CR2: variants seen among roughly 807,000 people sequenced by gnomAD.
CR2 encodes the protein complement receptor type 2.
A neutral mutation model predicts 123.0 loss-of-function variants in CR2; 96 were observed. That is an observed-to-expected ratio of 0.78 (90% CI 0.66 to 0.93). CR2 has a LOEUF of 0.93. Ranked by LOEUF, CR2 falls within the 40% of genes least tolerant of loss-of-function variation. The pLI, the probability that CR2 is intolerant of heterozygous loss-of-function variation, is 0.00. For missense variants in CR2, 1,258 were observed against 1,361.0 expected, an observed-to-expected ratio of 0.92 and a Z score of 1.19; for synonymous variants, 484 against 469.5, an observed-to-expected ratio of 1.03 and a Z score of -0.40.
chr1:207,483,590 A>C lies in CR2; in HGVS notation c.3189-1874A>C, dbSNP rs186304964. On this transcript the variant is annotated intron_variant, in intron 18 of 19. Transcript: ENST00000367057. Reference sequence around the variant, plus strand: ...CTTGTGGAGAATCACAAGGACCATGAGAATATTTAATAAGAGGTTTTTTGC... The same window carrying C: ...CTTGTGGAGAATCACAAGGACCATGCGAATATTTAATAAGAGGTTTTTTGC... 4.9e-4 allele frequency among the ~76,000 whole-genome samples: 75 copies of C among 152,146 alleles called. 1 individual carries two copies. Among genetic ancestry groups the C allele is most frequent in the Non-Finnish European group, 2.1e-4 (14 of 68,012 alleles).
intron 1 of CR2, among the ~76,000 whole-genome samples, chr1:207,464,158 G>A (rs1572948993): frequency 1.3e-5 from 2 of 152,182 alleles, no homozygotes; most frequent in Admixed American, 6.5e-5. Flanking sequence ...TCTGTGGTCT[G>A]GGGCGGGGAC....
chr1:207,473,188 C>A lies in CR2; in HGVS notation c.1978+9C>A, dbSNP rs373425736. On this transcript the variant is annotated intron_variant, in intron 10 of 19. Transcript: ENST00000367057. ...ACCAGTTTGTGAAAAAGGTAAAAAC[C>A]CAATAAGGGGGAAAAAAGGAGAGAT... is the stretch of plus-strand genomic sequence containing the variant. 1.2e-6 allele frequency: 2 copies of A among 1,613,210 alleles called. No homozygotes were observed. The highest frequency in any genetic ancestry group is 1.7e-6 in the Non-Finnish European group (2 of 1,179,748).
chr1:207,468,480 G>A (rs775847951), intron 2 of CR2, 47 bp from the exon 3 acceptor site: 1 of 1,588,442 alleles, frequency 6.3e-7, no homozygotes, highest in African/African-American at 1.3e-5. Context: ...AGATTGTGAA[G>A]GATGCATCAT....
At chr1:207,455,228 T>C (rs1449944314) in intron 1 of CR2, among the ~76,000 whole-genome samples, 3 of 152,254 alleles carry the variant, frequency 2.0e-5, no homozygotes, top group South Asian at 2.1e-4. Flanking sequence ...GGTCTAAGTT[T>C]CTAATTATCT....
chr1:207,473,020 A>G lies in CR2; in HGVS notation c.1819A>G (p.Ile607Val). ...TGCTGTCCAGTGCTCACATGTCCATATTGCAAATGGATACAAGATATCTGG... is the reference window on the plus strand; with the variant it reads ...TGCTGTCCAGTGCTCACATGTCCATGTTGCAAATGGATACAAGATATCTGG... ...LLAVQCSHVHIANGYKISGKE... is the reference protein window; with the variant it reads ...LLAVQCSHVHVANGYKISGKE... Residue 607 changes from isoleucine (I) to valine (V), a missense_variant, in exon 10 of 20, where the codon ATT (isoleucine) becomes GTT (valine). Physicochemically the swap from Ile to Val is conservative, Grantham distance 29. Transcript: ENST00000367057. 1 of 1,613,990 alleles carries G rather than the reference A, an allele frequency of 6.2e-7. No homozygotes were observed. The highest frequency in any genetic ancestry group is 8.5e-7 in the Non-Finnish European group (1 of 1,179,930).
intron 18 of CR2, among the ~76,000 whole-genome samples, chr1:207,483,892 T>C (rs1369582154): frequency 6.6e-6 from 1 of 151,942 alleles, no homozygotes; most frequent in Non-Finnish European, 1.5e-5. Context: ...CAGATAAAAA[T>C]TGGGATGAGA....
At chr1:207,475,295 C>T in intron 14 of CR2, 79 bp downstream of exon 14, 1 of 1,508,542 alleles carries the variant, frequency 6.6e-7, no homozygotes, top group East Asian at 2.3e-5. Context: ...ACTTGACATT[C>T]TGCCTAAAGA....
intron 1 of CR2, among the ~76,000 whole-genome samples, chr1:207,464,290 A>G (rs1658034521): frequency 1.3e-5 from 2 of 152,206 alleles, no homozygotes; most frequent in East Asian, 1.9e-4. Flanking sequence ...AAATAGGTAA[A>G]TTGTAGGCTG....
Position 207,454,383 on chromosome 1 carries a change from C to T in CR2, c.-36C>T, listed in dbSNP as rs966786377. On this transcript the variant is annotated 5_prime_UTR_variant, in exon 1 of 20. Coordinates refer to ENST00000367057, the MANE Select transcript of CR2 (RefSeq NM_001006658.3). This position sits in a 1 kb window ranked among gnomAD's most constrained non-coding sequence, Gnocchi z 4.3. Reference sequence around the variant, plus strand: ...AGAGCTGCCGGACGCTCGCGGGTCTCGGAACGCATCCCGCCGCGGGGGCTT... The same window carrying T: ...AGAGCTGCCGGACGCTCGCGGGTCTTGGAACGCATCCCGCCGCGGGGGCTT... 3 of 1,552,352 alleles carry T rather than the reference C, an allele frequency of 1.9e-6. No homozygotes were observed. The highest frequency in any genetic ancestry group is 2.6e-6 in the Non-Finnish European group (3 of 1,153,786).
chr1:207,478,201 G>A, intron 16 of CR2, 131 bp downstream of exon 16: 1 of 1,002,520 alleles, frequency 1.0e-6, no homozygotes, highest in Non-Finnish European at 1.5e-6. Flanking sequence ...AATTACAGAG[G>A]AACTTGAAGT....
chr1:207,471,564 T>G (rs1339213695), intron 9 of CR2, 65 bp downstream of exon 9: 2 of 1,184,830 alleles, frequency 1.7e-6, no homozygotes. Context: ...TGGGAGATTT[T>G]TGTTTTGGGA....
intron 1 of CR2, among the ~76,000 whole-genome samples, chr1:207,462,775 T>A (rs1314215156): frequency 6.6e-6 from 1 of 151,972 alleles, no homozygotes; most frequent in African/African-American, 2.4e-5. Flanking sequence ...AGAGGATGAG[T>A]TACAAAAAGG....
At chr1:207,484,207 T>C (rs1658686915) in intron 18 of CR2, among the ~76,000 whole-genome samples, 1 of 152,218 alleles carries the variant, frequency 6.6e-6, no homozygotes, top group Non-Finnish European at 1.5e-5. Context: ...CAAGTGCAAA[T>C]AATTTATAAT....
In CR2 at chr1:207,475,025, C is replaced by A; in HGVS notation, c.2525C>A (p.Pro842His). 2 of 1,614,086 alleles carry A rather than the reference C, an allele frequency of 1.2e-6. No individual in the cohort carries two copies. Among genetic ancestry groups the A allele is most frequent in the Non-Finnish European group, 1.7e-6 (2 of 1,179,974 alleles). Reference protein sequence around the residue: ...SGPSPQCLRSPPVTRCPNPEV... With the variant: ...SGPSPQCLRSHPVTRCPNPEV... Reference sequence around the variant, plus strand: ...CCTTCCCCACAGTGCTTACGATCTCCTCCTGTGACTCGCTGCCCTAATCCA... The same window carrying A: ...CCTTCCCCACAGTGCTTACGATCTCATCCTGTGACTCGCTGCCCTAATCCA... The change falls in exon 14 of 20, where the codon CCT becomes CAT. Residue 842 changes from proline (P) to histidine (H), a missense_variant. By Grantham distance (77) the Pro-to-His change is moderately conservative. Transcript: ENST00000367057.
At chr1:207,459,022 T>C (rs955222310) in intron 1 of CR2, among the ~76,000 whole-genome samples, 2 of 152,132 alleles carry the variant, frequency 1.3e-5, no homozygotes, top group African/African-American at 4.8e-5. Flanking sequence ...ATGTGTGTGA[T>C]TATGAATTGT....
chr1:207,472,931 C>A lies in CR2; in HGVS notation c.1730C>A (p.Thr577Lys). 6.2e-7 allele frequency: 1 copy of A among 1,614,048 alleles called. No homozygotes were observed. The highest frequency in any genetic ancestry group is 8.5e-7 in the Non-Finnish European group (1 of 1,179,954). ...SLIGESTIRC[T>K]SNDQERGTWS... is the part of the protein sequence containing the mutation. ...ATTGGAGAGAGCACCATCCGTTGTA[C>A]AAGCAATGATCAAGAAAGAGGCACC... The change falls in exon 10 of 20, where the codon ACA (threonine) becomes AAA (lysine). Residue 577 changes from threonine to lysine, a missense_variant. By Grantham distance (78) the Thr-to-Lys change is moderately conservative (BLOSUM62 -1). Transcript: ENST00000367057.
intron 16 of CR2, among the ~76,000 whole-genome samples, chr1:207,478,525 CAAAAAAAAAAAAA>C (rs36116544): frequency 6.8e-5 from 4 of 58,746 alleles, no homozygotes; most frequent in African/African-American, 1.8e-4. Context: ...AAGACCCTAT[CAAAAAAAAAAAAA>C]AAAAAAAAAG....
intron 18 of CR2, among the ~76,000 whole-genome samples, chr1:207,480,760 T>C (rs1658582193): frequency 6.6e-6 from 1 of 152,180 alleles, no homozygotes; most frequent in Non-Finnish European, 1.5e-5. Context: ...TCCTGCTTCA[T>C]TGATTTGCCT....
At position 207,475,086 on chromosome 1, in the gene CR2, T is replaced by A. The variant is rs776844477; in HGVS notation, c.2586T>A (p.His862Gln). The change falls in exon 14 of 20, where the codon CAT (histidine) becomes CAA (glutamine). Residue 862 changes from histidine to glutamine, a missense_variant. Coordinates refer to ENST00000367057, the MANE Select transcript of CR2 (RefSeq NM_001006658.3). Reference sequence around the variant, plus strand: ...ATGGGTACAAGCTCAATAAAACACATTCTGCATATTCCCACAATGACATAG... The same window carrying A: ...ATGGGTACAAGCTCAATAAAACACAATCTGCATATTCCCACAATGACATAG... ...VKHGYKLNKT[H>Q]SAYSHNDIVY... is the part of the protein sequence containing the mutation. 2.4e-5 allele frequency: 39 copies of A among 1,612,630 alleles called. No homozygotes were observed. Among genetic ancestry groups the A allele is most frequent in the Middle Eastern group, 3.3e-4 (2 of 6,076 alleles).
Sources: allele counts gnomAD v4.1 joint callset (sites outside exome capture counted in the v4.1 genomes callset), GRCh38; gene constraint gnomAD v4.1.1; non-coding constraint Gnocchi (gnomAD v3.1); transcripts MANE v1.5; gene names NCBI Gene and HGNC (gene_info 2026-07-23, HGNC 2026-07-21).